The following NEBL variants were observed in gnomAD, a reference collection of about 807,000 sequenced individuals.
NEBL encodes LIM and SH3 protein 2.
NEBL carries 122 observed loss-of-function variants against 140.2 expected under a neutral mutation model. The observed-to-expected ratio is 0.87, with a 90% CI of 0.75 to 1.01. The LOEUF is 1.01. Among genes scored for constraint, NEBL ranks in the 50% least tolerant of loss-of-function variants. The pLI is 0.00. For synonymous variants in NEBL, 436 were observed against 398.9 expected, an observed-to-expected ratio of 1.09 and a Z score of -1.11; for missense variants, 1,365 against 1,231.3, an observed-to-expected ratio of 1.11 and a Z score of -1.62.
chr10:20,982,291 G>T (rs1331404066), intron 3 of NEBL, among the ~76,000 whole-genome samples: 1 of 152,148 alleles, frequency 6.6e-6, no homozygotes, highest in African/African-American at 2.4e-5. Context: ...CCAAACTACT[G>T]CATGTAAGTC....
chr10:21,082,252 TG>T (rs1836400337), intron 2 of NEBL, among the ~76,000 whole-genome samples: 1 of 152,122 alleles, frequency 6.6e-6, no homozygotes, highest in South Asian at 2.1e-4. Context: ...CATTCTAGAT[TG>T]GATCCTTTTG....
intron 4 of NEBL, among the ~76,000 whole-genome samples, chr10:20,907,080 A>G (rs945008939): frequency 1.3e-5 from 2 of 152,126 alleles, no homozygotes; most frequent in Admixed American, 1.3e-4. Flanking sequence ...GTATAGCTCT[A>G]TAGTAATGCT....
At chr10:20,804,253 G>C (rs1837409107) in intron 26 of NEBL, 1 of 152,172 alleles carries the variant, frequency 6.6e-6, no homozygotes, top group Non-Finnish European at 1.5e-5. Context: ...TTTATCTCTA[G>C]TAGTTAGAGA....
At chr10:20,844,607 C>T (rs1319569664) in intron 12 of NEBL, among the ~76,000 whole-genome samples, 3 of 150,798 alleles carry the variant, frequency 2.0e-5, no homozygotes, top group Non-Finnish European at 4.4e-5. Context: ...TACTTGTGAG[C>T]AAAAAGTGCA....
At chr10:20,837,986 C>T (rs578184111) in intron 13 of NEBL, among the ~76,000 whole-genome samples, 1 of 152,306 alleles carries the variant, frequency 6.6e-6, no homozygotes, top group East Asian at 1.9e-4. Flanking sequence ...TTACAATGCA[C>T]CTGGTCACCA....
chr10:20,862,727 AC>A (rs1190261871), intron 7 of NEBL, among the ~76,000 whole-genome samples: 1 of 152,246 alleles, frequency 6.6e-6, no homozygotes, highest in East Asian at 1.9e-4. Context: ...TATTGGAGTG[AC>A]TTTGCCATGG....
At chr10:21,275,324 C>A (rs560023849) in intron 1 of NEBL, among the ~76,000 whole-genome samples, 61 of 152,326 alleles carry the variant, frequency 4.0e-4, no homozygotes, top group Non-Finnish European at 6.5e-4. Context: ...CGTTTTCTGT[C>A]TCAGGCTTGA....
At chr10:20,809,161 G>C (rs917622519) in intron 25 of NEBL, among the ~76,000 whole-genome samples, 4 of 152,096 alleles carry the variant, frequency 2.6e-5, no homozygotes, top group African/African-American at 9.7e-5. Flanking sequence ...TCAGGGGTTA[G>C]AGCAAGATCT....
chr10:20,812,354 G>A (rs1230348649), intron 24 of NEBL, among the ~76,000 whole-genome samples: 1 of 151,510 alleles, frequency 6.6e-6, no homozygotes, highest in African/African-American at 2.4e-5. Flanking sequence ...GAAGTTCTAG[G>A]GTACATGTGC....
chr10:21,222,231 A>C (rs1842079432), intron 3 of NEBL, among the ~76,000 whole-genome samples: 3 of 151,970 alleles, frequency 2.0e-5, no homozygotes, highest in Admixed American at 2.0e-4. Context: ...GAATCGCTTA[A>C]GCCCAGGAGT....
chr10:20,983,548 C>G (rs1443683657), intron 3 of NEBL, among the ~76,000 whole-genome samples: 1 of 152,184 alleles, frequency 6.6e-6, no homozygotes, highest in African/African-American at 2.4e-5. Flanking sequence ...TAGTTGTTAT[C>G]AAATTGCAAA....
chr10:20,883,222 T>C (rs1194093396), intron 4 of NEBL, among the ~76,000 whole-genome samples: 1 of 152,230 alleles, frequency 6.6e-6, no homozygotes, highest in Non-Finnish European at 1.5e-5. Flanking sequence ...TTTTGATGGC[T>C]ATGCTGAGAC....
chr10:20,972,357 T>C (rs552018431), intron 3 of NEBL, among the ~76,000 whole-genome samples: 3 of 152,286 alleles, frequency 2.0e-5, no homozygotes, highest in South Asian at 4.1e-4. Context: ...CAACTGTTTT[T>C]CTATAACAAG....
intron 4 of NEBL, among the ~76,000 whole-genome samples, chr10:20,916,594 G>T (rs759518618): frequency 6.6e-6 from 1 of 152,036 alleles, no homozygotes; most frequent in Non-Finnish European, 1.5e-5. Flanking sequence ...AATTTTAGTA[G>T]CGACAAGGTT....
chr10:21,090,338 T>G (rs1227071458), intron 2 of NEBL, among the ~76,000 whole-genome samples: 3 of 152,230 alleles, frequency 2.0e-5, no homozygotes, highest in Non-Finnish European at 4.4e-5. Context: ...ATCAAAATAT[T>G]TGAACAAAAG....
chr10:21,168,158 G>A (rs960337304), intron 2 of NEBL, among the ~76,000 whole-genome samples: 3 of 152,032 alleles, frequency 2.0e-5, no homozygotes, highest in Non-Finnish European at 2.9e-5. Flanking sequence ...CTAAACACAT[G>A]AGAATATAAA....
intron 1 of NEBL, among the ~76,000 whole-genome samples, chr10:21,276,966 C>CA (rs112120986): frequency 0.12 from 16,945 of 141,050 alleles, 1,037 homozygotes; most frequent in South Asian, 0.2. Context: ...GAGACTGTCT[C>CA]AAAAAAAAAA....
chr10:21,141,620 T>C (rs890071427), intron 2 of NEBL, among the ~76,000 whole-genome samples: 3 of 152,022 alleles, frequency 2.0e-5, no homozygotes, highest in African/African-American at 7.3e-5. Context: ...AATCACCCAT[T>C]GACAGAGAAA....
intron 3 of NEBL, among the ~76,000 whole-genome samples, chr10:21,233,431 C>A (rs1842292245): frequency 6.6e-6 from 1 of 151,862 alleles, no homozygotes; most frequent in African/African-American, 2.4e-5. Flanking sequence ...ACATTTAGTA[C>A]TTATAATTTG....
Sources: gnomAD v4.1 joint callset for allele counts (sites outside exome capture counted in the v4.1 genomes callset) on GRCh38, gnomAD v4.1.1 for gene constraint, MANE v1.5 for transcripts, NCBI Gene and HGNC (gene_info 2026-07-23, HGNC 2026-07-21) for gene names.